UGT1A3: variants seen among roughly 807,000 people sequenced by gnomAD.
UGT1A3 encodes the protein UDP-glucuronosyltransferase 1A3.
A neutral mutation model predicts 41.0 loss-of-function variants in UGT1A3; 31 were observed. The observed-to-expected ratio is 0.76, with a 90% CI of 0.57 to 1.02. UGT1A3 has a LOEUF of 1.02. Among genes scored for constraint, UGT1A3 ranks in the 50% least tolerant of loss-of-function variants. UGT1A3 has a pLI of 0.00. For missense variants in UGT1A3, 737 were observed against 671.0 expected (o/e 1.10, Z -1.09); for synonymous variants, 262 against 257.6 (o/e 1.02, Z -0.17).
Position 233,729,494 on chromosome 2 carries a change from T to C in UGT1A3, c.368T>C (p.Val123Ala), listed in dbSNP as rs2077868084. Residue 123 changes from valine (V) to alanine (A), a missense_variant, in exon 1 of 5, where the codon GTC becomes GCC. Coordinates refer to ENST00000482026, the MANE Select transcript of UGT1A3 (RefSeq NM_019093.4). ...GCAATGTTGAACAATATGTCTTTGG[T>C]CTATCATAGGTCTTGTGTGGAGCTA... is the stretch of plus-strand genomic sequence containing the variant. ...SMAMLNNMSL[V>A]YHRSCVELLH... 1 of 1,614,084 alleles carries C rather than the reference T, an allele frequency of 6.2e-7. No homozygotes were observed. Among genetic ancestry groups the C allele is most frequent in the Non-Finnish European group, 8.5e-7 (1 of 1,180,052 alleles).
rs1320189051 is a variant in UGT1A3, at chr2:233,757,543, T to TAC, written c.868-9490_868-9489insCA. Reference sequence around the variant, plus strand: ...AAATCTTGCCTGTAAGGAATATATATATATATATATATATATATGTATATA... The same window carrying TAC: ...AAATCTTGCCTGTAAGGAATATATATACATATATATATATATATATGTATATA... On this transcript the variant is annotated intron_variant, in intron 1 of 4. Coordinates refer to ENST00000482026, the MANE Select transcript of UGT1A3 (RefSeq NM_019093.4). Among the ~76,000 whole-genome samples the TAC allele has an allele frequency of 2.8e-3, 329 of 117,124 alleles. 12 individuals carry two copies. The highest frequency in any genetic ancestry group is 3.5e-3 in the African/African-American group (97 of 28,034). 76.8% of individuals were successfully genotyped at this position (117,124 alleles called of 152,430 possible). A position where few individuals can be genotyped will look rare whatever the true frequency, so the allele number is the denominator to read the frequency against.
At position 233,729,652 on chromosome 2, in the gene UGT1A3, A is replaced by G. The variant is rs573544269; in HGVS notation, c.526A>G (p.Ile176Val). Residue 176 changes from isoleucine to valine, a missense_variant, in exon 1 of 5, where the codon ATT (isoleucine) becomes GTT (valine). Transcript: ENST00000482026. ...TCCTACTGTGTTTTTTTTGAGGAAC[A>G]TTCCATGTGATTTAGACTTTAAGGG... The part of the protein sequence containing the change: ...SIPTVFFLRN[I>V]PCDLDFKGTQ... 5 of 1,613,890 alleles carry G rather than the reference A, an allele frequency of 3.1e-6. No individual in the cohort carries two copies. The African/African-American group carries it at 6.7e-5, about 22-fold the overall frequency.
In UGT1A3 at chr2:233,772,242, G is replaced by A. The variant is rs762612938; in HGVS notation, c.1308-20G>A. ...ATACCACAGGTGTTCCAGGCATAAC[G>A]AAACTGTCTTTGTGTTTAGTTACAA... On this transcript the variant is annotated intron_variant, in intron 4 of 4. Transcript: ENST00000482026. 5.6e-6 allele frequency: 9 copies of A among 1,614,002 alleles called. No individual in the cohort carries two copies. Among genetic ancestry groups the A allele is most frequent in the East Asian group, 4.5e-5 (2 of 44,900 alleles).
chr2:233,748,188 T>A (rs1575688597), intron 1 of UGT1A3: 1 of 1,565,216 alleles, frequency 6.4e-7, no homozygotes, highest in East Asian at 2.2e-5. Flanking sequence ...GTGCTTTTAT[T>A]TCTGCTTGTC....
intron 1 of UGT1A3, among the ~76,000 whole-genome samples, chr2:233,737,121 G>T (rs11684169): frequency 0.034 from 5,131 of 152,320 alleles, 100 homozygotes; most frequent in African/African-American, 0.051. Context: ...ATGTTCAGAA[G>T]TTGTCTGCTG....
rs1209768756 is a variant in UGT1A3, at chr2:233,729,054, A to G, written c.-73A>G. On this transcript the variant is annotated 5_prime_UTR_variant, in exon 1 of 5. Transcript: ENST00000482026. ...TGCTAAGTGGCTCAGTGACAAGGTA[A>G]TTAAGATGAAGAAAGCAAATGTAGC... is the stretch of plus-strand genomic sequence containing the variant. 2 of 1,609,876 alleles carry G rather than the reference A, an allele frequency of 1.2e-6. No homozygotes were observed. Among genetic ancestry groups the G allele is most frequent in the Admixed American group, 3.3e-5 (2 of 59,908 alleles).
At chr2:233,768,587 T>C (rs977103062) in intron 4 of UGT1A3, 148 bp downstream of exon 4, 429 of 888,300 alleles carry the variant, frequency 4.8e-4, no homozygotes, top group East Asian at 4.8e-3. Context: ...TTCTTCTTTT[T>C]TTTTTTTTTT....
intron 1 of UGT1A3, among the ~76,000 whole-genome samples, chr2:233,758,159 G>C (rs1281366344): frequency 2.6e-5 from 4 of 152,206 alleles, no homozygotes; most frequent in Non-Finnish European, 5.9e-5. Flanking sequence ...AATGGGTTCT[G>C]CTTTGGTTTC....
chr2:233,751,062 CA>C (rs1460604687), intron 1 of UGT1A3, among the ~76,000 whole-genome samples: 3 of 151,906 alleles, frequency 2.0e-5, no homozygotes, highest in Non-Finnish European at 4.4e-5. Context: ...CACAGACACT[CA>C]ATGCCAGCCT....
rs377501831 is a variant in UGT1A3, at chr2:233,767,899, G to A, written c.1050G>A (p.Thr350=). The A allele has an allele frequency of 2.4e-5, 38 of 1,614,024 alleles. No homozygotes were observed. Among genetic ancestry groups the A allele is most frequent in the Admixed American group, 8.3e-5 (5 of 59,994 alleles). ...GTRPSNLANN[T]ILVKWLPQND... ...GACCATCGAATCTTGCGAACAACAC[G>A]ATACTTGTTAAGTGGCTACCCCAAA... The change falls in exon 3 of 5, where the codon ACG becomes ACA. Residue 350 remains threonine (T), a synonymous_variant. Transcript: ENST00000482026.
In UGT1A3 at chr2:233,772,456, T is replaced by A; in HGVS notation, c.1502T>A (p.Leu501Gln). The A allele has an allele frequency of 6.2e-7, 1 of 1,614,218 alleles. No homozygotes were observed. The highest frequency in any genetic ancestry group is 8.5e-7 in the Non-Finnish European group (1 of 1,180,044). Residue 501 changes from leucine to glutamine, a missense_variant, in exon 5 of 5, where the codon CTG (leucine) becomes CAG (glutamine). Leu to Gln is a moderately radical substitution (Grantham distance 113). Coordinates refer to ENST00000482026, the MANE Select transcript of UGT1A3 (RefSeq NM_019093.4). ...ATTGGTTTCCTCTTGGCCGTCGTGC[T>A]GACAGTGGCCTTCATCACCTTTAAA... is the stretch of plus-strand genomic sequence containing the variant. ...DVIGFLLAVV[L>Q]TVAFITFKCC...
At chr2:233,760,188 CG>C (rs1250855848) in intron 1 of UGT1A3, 1 of 1,563,540 alleles carries the variant, frequency 6.4e-7, no homozygotes, top group Non-Finnish European at 8.6e-7. Context: ...TTTATAGTCA[CG>C]TGACACAGTC....
chr2:233,761,904 G>A (rs887991064), intron 1 of UGT1A3, among the ~76,000 whole-genome samples: 2 of 152,234 alleles, frequency 1.3e-5, no homozygotes, highest in Non-Finnish European at 2.9e-5. Context: ...AAGATTGGCT[G>A]AGGATCTACT....
At chr2:233,741,369 G>A (rs190389633) in intron 1 of UGT1A3, among the ~76,000 whole-genome samples, 1 of 151,798 alleles carries the variant, frequency 6.6e-6, no homozygotes, top group East Asian at 1.9e-4. Context: ...CAATGAAACT[G>A]CCCATGCCTT....
chr2:233,729,290 G>A lies in UGT1A3; in HGVS notation c.164G>A (p.Gly55Asp). The A allele has an allele frequency of 6.2e-7, 1 of 1,614,236 alleles. No individual in the cohort carries two copies. The highest frequency in any genetic ancestry group is 1.7e-5 in the Admixed American group (1 of 60,032). Residue 55 changes from glycine (G) to aspartate (D), a missense_variant, in exon 1 of 5, where the codon GGC becomes GAC. Physicochemically the swap from Gly to Asp is moderately conservative, Grantham distance 94 (BLOSUM62 -1). Coordinates refer to ENST00000482026, the MANE Select transcript of UGT1A3 (RefSeq NM_019093.4). ...GTCTTGCGGGAGCTCCATGCCAGAG[G>A]CCACCAGGCAGTGGTCCTCACCCCA... Reference protein sequence around the residue: ...REVLRELHARGHQAVVLTPEV... With the variant: ...REVLRELHARDHQAVVLTPEV...
rs559155778 is a variant in UGT1A3 at position 233,769,190 on chromosome 2, G to A, written c.1307+751G>A. Among the ~76,000 whole-genome samples, 1 of 152,304 alleles carries A rather than the reference G, an allele frequency of 6.6e-6. No homozygotes were observed. The highest frequency in any genetic ancestry group is 2.4e-5 in the African/African-American group (1 of 41,564). ...GTCCATGGAGTTTATGAATGAAGGA[G>A]CTATAAGATATCACAGACAAAGTCT... On this transcript the variant is annotated intron_variant, in intron 4 of 4. Transcript: ENST00000482026. The surrounding 1 kb of genome is among the most constrained non-coding windows in gnomAD (Gnocchi z 4.4).
intron 1 of UGT1A3, among the ~76,000 whole-genome samples, chr2:233,753,838 G>A (rs1367023028): frequency 6.6e-6 from 1 of 152,204 alleles, no homozygotes; most frequent in African/African-American, 2.4e-5. Flanking sequence ...GACAGTCCTA[G>A]TATATCATTG....
At chr2:233,740,322 A>G (rs1210904634) in intron 1 of UGT1A3, among the ~76,000 whole-genome samples, 1 of 151,968 alleles carries the variant, frequency 6.6e-6, no homozygotes, top group African/African-American at 2.4e-5. Context: ...ATGAATCTGC[A>G]TTTATTGAGA....
chr2:233,758,075 A>C (rs1280685172), intron 1 of UGT1A3, among the ~76,000 whole-genome samples: 1 of 152,176 alleles, frequency 6.6e-6, no homozygotes, highest in African/African-American at 2.4e-5. Flanking sequence ...TTCTGGGCCT[A>C]GTTCCTAGCA....
Sources: allele counts gnomAD v4.1 joint callset (sites outside exome capture counted in the v4.1 genomes callset), GRCh38; gene constraint gnomAD v4.1.1; non-coding constraint Gnocchi (gnomAD v3.1); transcripts MANE v1.5; gene names NCBI Gene and HGNC (gene_info 2026-07-23, HGNC 2026-07-21).